Variants in USP42 observed in about 807,000 individuals in gnomAD.
USP42 encodes ubiquitin specific peptidase 42, also known as ubiquitin carboxyl-terminal hydrolase 42.
USP42 carries 23 observed loss-of-function variants against 113.0 expected under a neutral mutation model. The observed-to-expected ratio is 0.20, with a 90% CI of 0.15 to 0.29. The LOEUF (loss-of-function observed/expected upper bound fraction) is 0.29, where lower values mean the gene tolerates loss of function less well. Ranked by LOEUF, USP42 falls within the 10% of genes least tolerant of loss-of-function variation. The pLI is 1.00. For synonymous variants in USP42, 933 were observed against 699.0 expected (o/e 1.33, Z -5.28); for missense variants, 2,174 against 1,779.8 (o/e 1.22, Z -3.99).
intron 1 of USP42, among the ~76,000 whole-genome samples, chr7:6,109,675 T>C (rs1779485430): frequency 1.3e-5 from 2 of 150,010 alleles, no homozygotes; most frequent in South Asian, 2.1e-4. Flanking sequence ...ATTACAGGGG[T>C]GTGAGCCACT....
Position 6,146,464 on chromosome 7 carries a change from G to A in USP42, c.1232+216G>A, listed in dbSNP as rs78680803. ...CACTTGAGCCCAGGAGTTCGAGACCGACCAGCCTGGGCAACATAGTGAGAC... is the reference window on the plus strand; with the variant it reads ...CACTTGAGCCCAGGAGTTCGAGACCAACCAGCCTGGGCAACATAGTGAGAC... On this transcript the variant is annotated intron_variant, in intron 11 of 17. Coordinates refer to ENST00000306177, the MANE Select transcript of USP42 (RefSeq NM_032172.3). Among the ~76,000 whole-genome samples the A allele has an allele frequency of 3.0e-3, 449 of 152,034 alleles. 2 individuals are homozygous for A. The highest frequency in any genetic ancestry group is 0.011 in the African/African-American group (437 of 41,466).
rs1227591061 is a variant in USP42, at chr7:6,157,187, C to G, written c.3943+132C>G. 1 of 1,434,384 alleles carries G rather than the reference C, an allele frequency of 7.0e-7. No individual in the cohort carries two copies. Among genetic ancestry groups the G allele is most frequent in the East Asian group, 2.5e-5 (1 of 39,730 alleles). The allele number at this position is 1,434,384 out of a possible 1,614,324, so 88.9% of individuals were successfully genotyped here. ...GCACAGTTACTCAGAGCACCCCTGC[C>G]CTGCCTGGTCTGGCCTCAGTGCTCA... is the stretch of plus-strand genomic sequence containing the variant. On this transcript the variant is annotated intron_variant, in intron 16 of 17. Transcript: ENST00000306177. The surrounding 1 kb of genome is among the most constrained non-coding windows in gnomAD (Gnocchi z 4.1).
At chr7:6,122,589 G>A (rs552372277) in intron 3 of USP42, among the ~76,000 whole-genome samples, 1 of 152,092 alleles carries the variant, frequency 6.6e-6, no homozygotes, top group African/African-American at 2.4e-5. Flanking sequence ...TCCTGCCTCG[G>A]CCTCCTGAGT....
At chr7:6,100,004 C>CTATTATTATTATTATTATTATTATTAT (rs1554332997), upstream of USP42, among the ~76,000 whole-genome samples, 4 of 144,290 alleles carry the variant, frequency 2.8e-5, no homozygotes, top group African/African-American at 1.1e-4. Flanking sequence ...TTTCACAAGT[C>CTATTATTATTATTATTATTATTATTAT]TATTATTATT....
the USP42 span, among the ~76,000 whole-genome samples, chr7:6,082,319 G>A: frequency 1.3e-5 from 2 of 151,938 alleles, no homozygotes; most frequent in African/African-American, 2.4e-5. Flanking sequence ...TAGTAGAGAC[G>A]GGGTTTCACT....
the USP42 span, among the ~76,000 whole-genome samples, chr7:6,091,705 A>ACACACACACACACG: frequency 6.7e-6 from 1 of 150,302 alleles, no homozygotes; most frequent in Non-Finnish European, 1.5e-5. Context: ...ACACACACAC[A>ACACACACACACACG]CACACACACA....
At chr7:6,114,678 A>ATATAGGTTTTTTT (rs1241045063) in intron 2 of USP42, among the ~76,000 whole-genome samples, 1 of 18,874 alleles carries the variant, frequency 5.3e-5, no homozygotes, top group Admixed American at 1.1e-3. Context: ...ATATATATAT[A>ATATAGGTTTTTTT]TTTTTTTTTT....
At chr7:6,142,825 A>G (rs1781506831) in intron 7 of USP42, 107 bp from the exon 8 acceptor site, 8 of 996,252 alleles carry the variant, frequency 8.0e-6, no homozygotes, top group Non-Finnish European at 1.1e-5. Context: ...TCGAGGCTGC[A>G]GTGAGCTGTG....
the USP42 span, among the ~76,000 whole-genome samples, chr7:6,097,244 A>AC: frequency 6.6e-6 from 1 of 150,964 alleles, no homozygotes; most frequent in African/African-American, 2.5e-5. Context: ...TCCTGGTAAA[A>AC]CGGTGTTTTC....
intron 2 of USP42, among the ~76,000 whole-genome samples, chr7:6,112,844 C>G (rs1268831475): frequency 1.3e-5 from 2 of 151,784 alleles, no homozygotes; most frequent in Non-Finnish European, 2.9e-5. Flanking sequence ...GATTGGACAC[C>G]CCCTGGCTTC....
At chr7:6,087,240 A>G in the USP42 span, among the ~76,000 whole-genome samples, 1 of 150,452 alleles carries the variant, frequency 6.6e-6, no homozygotes, top group African/African-American at 2.5e-5. Flanking sequence ...CATGTTGGCC[A>G]GGCTGGTCTG....
Position 6,144,205 on chromosome 7 carries a change from A to G in USP42, c.990+9A>G, listed in dbSNP as rs3750063. The G allele has an allele frequency of 0.047, 72,231 of 1,536,264 alleles. 5,548 individuals are homozygous for G. Among genetic ancestry groups the G allele is most frequent in the East Asian group, 0.43 (18,090 of 41,944 alleles). ...GTGGAAAAATTGCTAAGGTATGTGG[A>G]TGATGTCATTAATCATGTTTTATGT... is the stretch of plus-strand genomic sequence containing the variant. On this transcript the variant is annotated intron_variant, in intron 9 of 17. Transcript: ENST00000306177.
intron 3 of USP42, among the ~76,000 whole-genome samples, chr7:6,120,454 G>C (rs1780158445): frequency 6.6e-6 from 1 of 152,108 alleles, no homozygotes. Context: ...TGTTGGCCAG[G>C]CTGGTCTCAA....
chr7:6,085,846 C>T, the USP42 span, among the ~76,000 whole-genome samples: 1 of 150,564 alleles, frequency 6.6e-6, no homozygotes, highest in Non-Finnish European at 1.5e-5. Context: ...AACTCCTGAC[C>T]TTGTGATCTG....
the USP42 span, among the ~76,000 whole-genome samples, chr7:6,099,211 C>CTTTTTT: frequency 6.1e-5 from 6 of 98,782 alleles, no homozygotes; most frequent in African/African-American, 2.6e-4. Flanking sequence ...TGTTCCCTCT[C>CTTTTTT]TTTTTTTTTT....
rs964155318 is a variant in USP42, at chr7:6,160,660, G to A, written c.*142G>A. The A allele has an allele frequency of 3.9e-5, 6 of 152,610 alleles. No homozygotes were observed. The highest frequency in any genetic ancestry group is 1.4e-4 in the African/African-American group (6 of 41,432). The allele number at this position is 152,610 out of a possible 1,614,324, so 9.5% of individuals were successfully genotyped here. A position where few individuals can be genotyped will look rare whatever the true frequency, so the allele number is the denominator to read the frequency against. ...GTGCTTCTTTAGTAAATACTGTACAGATTTTACCATGGAGAACTTTTTTTT... is the reference window on the plus strand; with the variant it reads ...GTGCTTCTTTAGTAAATACTGTACAAATTTTACCATGGAGAACTTTTTTTT... On this transcript the variant is annotated 3_prime_UTR_variant, in exon 18 of 18. Coordinates refer to ENST00000306177, the MANE Select transcript of USP42 (RefSeq NM_032172.3).
At position 6,158,291 on chromosome 7, in the gene USP42, G is replaced by T. The variant is rs1248989835; in HGVS notation, c.3944-1159G>T. ...GCAGGGACCGTGTGGCTCGCAAAGC[G>T]GAAAATGTTTATTATTGCCCCTTGA... On this transcript the variant is annotated intron_variant, in intron 16 of 17. Transcript: ENST00000306177. This position sits in a 1 kb window ranked among gnomAD's most constrained non-coding sequence, Gnocchi z 4.2. Among the ~76,000 whole-genome samples, 1 of 152,222 alleles carries T rather than the reference G, an allele frequency of 6.6e-6. No individual in the cohort carries two copies. The highest frequency in any genetic ancestry group is 2.4e-5 in the African/African-American group (1 of 41,462).
intron 3 of USP42, among the ~76,000 whole-genome samples, chr7:6,115,776 G>A (rs1003494167): frequency 6.6e-6 from 1 of 152,014 alleles, no homozygotes; most frequent in Non-Finnish European, 1.5e-5. Flanking sequence ...TGAACTCCTT[G>A]TTGGTTTTCT....
rs913989312 is a variant in USP42, at chr7:6,159,284, C to G, written c.3944-166C>G. Among the ~76,000 whole-genome samples, 1 of 152,184 alleles carries G rather than the reference C, an allele frequency of 6.6e-6. No individual in the cohort carries two copies. The highest frequency in any genetic ancestry group is 1.5e-5 in the Non-Finnish European group (1 of 68,024). On this transcript the variant is annotated intron_variant, in intron 16 of 17. Transcript: ENST00000306177. This position sits in a 1 kb window ranked among gnomAD's most constrained non-coding sequence, Gnocchi z 4.1. ...ACATCAGTAAAACCCTGGGAGCAGCCGCTGAGCGCTGGGACATCCCTGCTC... is the reference window on the plus strand; with the variant it reads ...ACATCAGTAAAACCCTGGGAGCAGCGGCTGAGCGCTGGGACATCCCTGCTC...
Sources: allele counts gnomAD v4.1 joint callset (sites outside exome capture counted in the v4.1 genomes callset), GRCh38; gene constraint gnomAD v4.1.1; non-coding constraint Gnocchi (gnomAD v3.1); transcripts MANE v1.5; gene names NCBI Gene and HGNC (gene_info 2026-07-23, HGNC 2026-07-21).